Variants in ANAPC5 observed in about 807,000 individuals in gnomAD.
ANAPC5 encodes the protein anaphase promoting complex subunit 5.
ANAPC5 carries 60 observed loss-of-function variants against 91.3 expected under a neutral mutation model. The ratio of observed to expected loss-of-function variants is 0.66; its 90% confidence interval spans 0.53 to 0.81. The LOEUF is 0.81. ANAPC5 is among the 40% of genes least tolerant of loss of function. The pLI, the probability that ANAPC5 is intolerant of heterozygous loss-of-function variation, is 0.00. For synonymous variants in ANAPC5, 340 were observed against 364.1 expected (o/e 0.93, Z 0.75); for missense variants, 690 against 931.5 (o/e 0.74, Z 3.37).
chr12:121,316,247 C>G (rs1566179840), intron 15 of ANAPC5, among the ~76,000 whole-genome samples: 2 of 152,076 alleles, frequency 1.3e-5, no homozygotes, highest in Non-Finnish European at 1.5e-5. Context: ...ATGAGACACC[C>G]CTTCATACCC....
chr12:121,328,354 G>A lies in ANAPC5; in HGVS notation c.1266C>T (p.Ile422=), dbSNP rs1204392857. 19 of 1,613,812 alleles carry A rather than the reference G, an allele frequency of 1.2e-5. No individual in the cohort carries two copies. The highest frequency in any genetic ancestry group is 4.0e-5 in the African/African-American group (3 of 74,834). The change falls in exon 10 of 17, where the codon ATC becomes ATT. Residue 422 remains isoleucine (I), a synonymous_variant. Transcript: ENST00000261819. The stretch of plus-strand genomic sequence containing the variant: ...GCCTCCAGATGGCCGTTTTCTGTGC[G>A]ATGCTGATATCGATGAGCTCTGACA... The part of the protein sequence containing the change: ...HSLSELIDIS[I]AQKTAIWRLY...
chr12:121,318,945 A>G (rs772204556), intron 13 of ANAPC5, among the ~76,000 whole-genome samples: 8 of 152,056 alleles, frequency 5.3e-5, no homozygotes, highest in Non-Finnish European at 1.2e-4. Flanking sequence ...GCTTGAACCC[A>G]GGAGGCAGAG....
chr12:121,325,074 G>A (rs1902758147), intron 11 of ANAPC5, among the ~76,000 whole-genome samples: 1 of 152,206 alleles, frequency 6.6e-6, no homozygotes, highest in Admixed American at 6.5e-5. Context: ...TGAGGTGGGA[G>A]GATCACTTGA....
At chr12:121,312,694 G>A (rs1467060412) in intron 15 of ANAPC5, among the ~76,000 whole-genome samples, 8 of 125,072 alleles carry the variant, frequency 6.4e-5, no homozygotes, top group East Asian at 2.5e-4. Context: ...GCGACAGAGC[G>A]AGACTCTGTC....
chr12:121,346,358 A>G (rs1248656743), intron 3 of ANAPC5: 2 of 213,490 alleles, frequency 9.4e-6, no homozygotes, highest in Non-Finnish European at 1.8e-5. Flanking sequence ...GGTAATCTCC[A>G]TAAGAGGAAA....
chr12:121,329,298 C>G (rs1208663462), intron 9 of ANAPC5: 1 of 152,046 alleles, frequency 6.6e-6, no homozygotes, highest in Non-Finnish European at 1.5e-5. Context: ...GGACTACAGG[C>G]GCCCACCACC....
chr12:121,328,074 G>C (rs1902891310), intron 10 of ANAPC5: 1 of 428,902 alleles, frequency 2.3e-6, no homozygotes, highest in Admixed American at 3.7e-5. Flanking sequence ...CTCCCAGCAT[G>C]GAGATCACCC....
At chr12:121,328,598 C>A in intron 9 of ANAPC5, 101 bp from the exon 10 acceptor site, 1 of 1,070,886 alleles carries the variant, frequency 9.3e-7, no homozygotes. Flanking sequence ...AGCACATGCA[C>A]AGTGACAGCA....
chr12:121,327,599 G>C (rs918081365), intron 10 of ANAPC5: 3 of 230,202 alleles, frequency 1.3e-5, no homozygotes, highest in Admixed American at 5.9e-5. Flanking sequence ...GCAGTGGCCA[G>C]TGTCTGCAGC....
At chr12:121,346,803 T>C in intron 3 of ANAPC5, 93 bp downstream of exon 3, 1 of 691,718 alleles carries the variant, frequency 1.4e-6, no homozygotes, top group Non-Finnish European at 2.3e-6. Flanking sequence ...ACTGTGTCTG[T>C]TCACAGATAT....
At chr12:121,325,132 C>A (rs782346740) in intron 11 of ANAPC5, among the ~76,000 whole-genome samples, 6 of 152,242 alleles carry the variant, frequency 3.9e-5, no homozygotes, top group Admixed American at 2.0e-4. Context: ...CCACTACATT[C>A]CAGCCCTGGT....
chr12:121,328,910 A>G (rs1188211354), intron 9 of ANAPC5: 1 of 158,902 alleles, frequency 6.3e-6, no homozygotes, highest in African/African-American at 2.4e-5. Flanking sequence ...TGCTGCGCAC[A>G]TATGTAATAG....
At chr12:121,331,251 C>A (rs1903031962) in intron 8 of ANAPC5, 96 bp downstream of exon 8, 1 of 1,035,404 alleles carries the variant, frequency 9.7e-7, no homozygotes, top group Non-Finnish European at 1.4e-6. Flanking sequence ...TGCTGAAGAT[C>A]TCTGCTCCAA....
At chr12:121,311,251 C>A (rs1229110240) in intron 15 of ANAPC5, among the ~76,000 whole-genome samples, 3 of 151,912 alleles carry the variant, frequency 2.0e-5, no homozygotes, top group African/African-American at 7.3e-5. Flanking sequence ...CTGAGTGAGA[C>A]CCTGTCTCTA....
intron 5 of ANAPC5, among the ~76,000 whole-genome samples, chr12:121,341,236 A>G (rs1593601087): frequency 6.6e-6 from 1 of 152,268 alleles, no homozygotes; most frequent in East Asian, 1.9e-4. Flanking sequence ...TTGGGAAGCC[A>G]AGGCAGGTGG....
At chr12:121,353,867 T>C (rs1416616113), upstream of ANAPC5, among the ~76,000 whole-genome samples, 1 of 151,986 alleles carries the variant, frequency 6.6e-6, no homozygotes, top group Admixed American at 6.6e-5. Flanking sequence ...AAGTAGGTAA[T>C]TAGACATGAG....
intron 15 of ANAPC5, among the ~76,000 whole-genome samples, chr12:121,315,759 T>G (rs1902331765): frequency 6.6e-6 from 1 of 152,160 alleles, no homozygotes; most frequent in African/African-American, 2.4e-5. Context: ...TGCAGAAGAA[T>G]AAGAGTGGAG....
At chr12:121,341,869 C>A in intron 5 of ANAPC5, 134 bp downstream of exon 5, 1 of 547,986 alleles carries the variant, frequency 1.8e-6, no homozygotes. Context: ...CAGAGGGGAC[C>A]AAGAGTAAAG....
chr12:121,329,389 C>T (rs1255413113), intron 9 of ANAPC5, among the ~76,000 whole-genome samples: 6 of 151,942 alleles, frequency 3.9e-5, no homozygotes, highest in Admixed American at 2.6e-4. Context: ...CCTGACCTCA[C>T]GATCCACCCG....
Sources: allele counts gnomAD v4.1 joint callset (sites outside exome capture counted in the v4.1 genomes callset), GRCh38; gene constraint gnomAD v4.1.1; transcripts MANE v1.5; gene names NCBI Gene and HGNC (gene_info 2026-07-23, HGNC 2026-07-21).